Variants in ARHGAP6 observed in about 807,000 individuals in gnomAD.
The protein encoded by ARHGAP6 is rho GTPase-activating protein 6.
In ARHGAP6, 16 loss-of-function variants were observed where a neutral mutation model predicts 55.7. The observed-to-expected ratio is 0.29, with a 90% CI of 0.19 to 0.44. ARHGAP6 has a LOEUF of 0.44. ARHGAP6 is among the 20% of genes least tolerant of loss of function. The probability of loss-of-function intolerance (pLI) is 1.00; values close to 1 mark genes in which losing one functional copy is unlikely to be tolerated. For synonymous variants in ARHGAP6, 382 were observed against 360.9 expected, an observed-to-expected ratio of 1.06 and a Z score of -0.66; for missense variants, 698 against 808.9, an observed-to-expected ratio of 0.86 and a Z score of 1.66.
intron 1 of ARHGAP6, among the ~76,000 whole-genome samples, chrX:11,658,348 GAGAT>G (rs1385061812): frequency 1.8e-5 from 2 of 111,613 alleles, no homozygotes; most frequent in Non-Finnish European, 1.9e-5. Context: ...TTCTAGCAGA[GAGAT>G]AGCCTGAGAG....
At chrX:11,308,184 C>T (rs1369113901) in intron 1 of ARHGAP6, among the ~76,000 whole-genome samples, 2 of 111,600 alleles carry the variant, frequency 1.8e-5, no homozygotes, top group Non-Finnish European at 3.8e-5. Flanking sequence ...ACACAATTCA[C>T]CAAATAAACC....
intron 1 of ARHGAP6, among the ~76,000 whole-genome samples, chrX:11,586,225 T>A (rs1008802261): frequency 8.9e-5 from 10 of 112,296 alleles, no homozygotes; most frequent in Non-Finnish European, 1.7e-4. Context: ...GCTTTTGGTG[T>A]CTTTGTCATG....
chrX:11,174,578 C>CTT lies in ARHGAP6; in HGVS notation c.1629+3520_1629+3521dup, dbSNP rs1186654004. Among the ~76,000 whole-genome samples the CTT allele has an allele frequency of 1.3e-3, 101 of 76,322 alleles. 2 individuals carry two copies. Among genetic ancestry groups the CTT allele is most frequent in the African/African-American group, 2.3e-3 (49 of 20,852 alleles). The allele number at this position is 76,322 out of a possible 115,157, so 66.3% of individuals were successfully genotyped here. On this transcript the variant is annotated intron_variant, in intron 8 of 12. Transcript: ENST00000337414. ...CCTTCCTTCCTTCCTTCCTTCCTTT[C>CTT]TTTCTTTCTTTCTTTTTCTTTCTTT... is the stretch of plus-strand genomic sequence containing the variant.
intron 1 of ARHGAP6, among the ~76,000 whole-genome samples, chrX:11,649,140 G>T (rs2052559586): frequency 8.9e-6 from 1 of 111,810 alleles, no homozygotes; most frequent in East Asian, 2.8e-4. Context: ...GACTCACTCT[G>T]ATCAAATACC....
rs1479535868 is a variant in ARHGAP6 at position 11,362,525 on chromosome X, G to C, written c.589-107818C>G. Among the ~76,000 whole-genome samples the C allele has an allele frequency of 4.6e-5, 5 of 109,641 alleles. No individual in the cohort carries two copies. In the East Asian group the frequency reaches 1.4e-3, roughly 31 times the overall value. ...TGTTGTGGGGTGGCGGAAGGGGGGAGGGTTAGCATTAGGAGATATACCTAA... is the reference window on the plus strand; with the variant it reads ...TGTTGTGGGGTGGCGGAAGGGGGGACGGTTAGCATTAGGAGATATACCTAA... On this transcript the variant is annotated intron_variant, in intron 1 of 12. Transcript: ENST00000337414.
intron 1 of ARHGAP6, among the ~76,000 whole-genome samples, chrX:11,594,675 G>T (rs1373825192): frequency 1.8e-5 from 2 of 111,560 alleles, no homozygotes; most frequent in Non-Finnish European, 3.8e-5. Flanking sequence ...AATGCCTGAT[G>T]ATTTGAGGTG....
chrX:11,373,084 C>T (rs1336307729), intron 1 of ARHGAP6, among the ~76,000 whole-genome samples: 1 of 74,103 alleles, frequency 1.3e-5, no homozygotes, highest in Non-Finnish European at 2.4e-5. Flanking sequence ...TTTTTTCACA[C>T]ACACACACAA....
At chrX:11,586,458 G>C (rs1230681162) in intron 1 of ARHGAP6, among the ~76,000 whole-genome samples, 1 of 111,236 alleles carries the variant, frequency 9.0e-6, no homozygotes, top group Non-Finnish European at 1.9e-5. Context: ...TTTTTGTCAG[G>C]TTTGTCAAAG....
chrX:11,396,319 T>C (rs2049477127), intron 1 of ARHGAP6, among the ~76,000 whole-genome samples: 1 of 110,019 alleles, frequency 9.1e-6, no homozygotes, highest in African/African-American at 3.3e-5. Flanking sequence ...GTCTCTTAGG[T>C]GGCAGCCATA....
intron 1 of ARHGAP6, among the ~76,000 whole-genome samples, chrX:11,424,659 C>T (rs767874908): frequency 8.9e-6 from 1 of 111,975 alleles, no homozygotes; most frequent in East Asian, 2.8e-4. Flanking sequence ...CTAGCTCCTC[C>T]TCATCCTCAC....
chrX:11,369,601 C>T (rs183551837), intron 1 of ARHGAP6, among the ~76,000 whole-genome samples: 2 of 111,316 alleles, frequency 1.8e-5, no homozygotes, highest in African/African-American at 6.5e-5. Context: ...ATATGAGATA[C>T]AAAGAATAAC....
intron 1 of ARHGAP6, among the ~76,000 whole-genome samples, chrX:11,498,660 TG>T (rs1408039215): frequency 5.4e-5 from 6 of 111,743 alleles, no homozygotes; most frequent in Non-Finnish European, 1.1e-4. Flanking sequence ...TTAATCAAAG[TG>T]GGGTAACATT....
chrX:11,281,596 A>C (rs1185843727), intron 1 of ARHGAP6, among the ~76,000 whole-genome samples: 1 of 111,440 alleles, frequency 9.0e-6, no homozygotes, highest in Non-Finnish European at 1.9e-5. Flanking sequence ...TCTCTGAATA[A>C]ATTTGGAAAG....
intron 1 of ARHGAP6, among the ~76,000 whole-genome samples, chrX:11,369,235 A>C (rs2049117253): frequency 9.0e-6 from 1 of 110,556 alleles, no homozygotes; most frequent in Non-Finnish European, 1.9e-5. Flanking sequence ...ATCTCTACGG[A>C]CTTTCAGACT....
intron 2 of ARHGAP6, among the ~76,000 whole-genome samples, chrX:11,236,185 T>G (rs180831612): frequency 4.0e-4 from 45 of 111,968 alleles, no homozygotes; most frequent in Admixed American, 1.2e-3. Flanking sequence ...TCAGGAAACT[T>G]ACAATCATTG....
At chrX:11,536,858 T>C (rs1237753938) in intron 1 of ARHGAP6, among the ~76,000 whole-genome samples, 1 of 112,346 alleles carries the variant, frequency 8.9e-6, no homozygotes, top group African/African-American at 3.2e-5. Context: ...AATAGGGGTT[T>C]GCATAAAATG....
intron 1 of ARHGAP6, among the ~76,000 whole-genome samples, chrX:11,317,585 A>T (rs181645466): frequency 2.9e-4 from 33 of 112,148 alleles, no homozygotes; most frequent in Admixed American, 2.8e-3. Context: ...ATTCCTAATT[A>T]TTTAAGGTGG....
At chrX:11,427,781 C>T in intron 1 of ARHGAP6, 1 of 748,471 alleles carries the variant, frequency 1.3e-6, no homozygotes, top group Non-Finnish European at 1.6e-6. Context: ...CGGTGGGGAC[C>T]TGGAGAAGGC....
intron 1 of ARHGAP6, among the ~76,000 whole-genome samples, chrX:11,509,926 C>A (rs958454968): frequency 8.9e-6 from 1 of 111,912 alleles, no homozygotes; most frequent in African/African-American, 3.2e-5. Flanking sequence ...TAACTCCTCT[C>A]ACCTCCCTGT....
Sources: gnomAD v4.1 joint callset for allele counts (sites outside exome capture counted in the v4.1 genomes callset) on GRCh38, gnomAD v4.1.1 for gene constraint, MANE v1.5 for transcripts, NCBI Gene and HGNC (gene_info 2026-07-23, HGNC 2026-07-21) for gene names.